The following CADM2 variants were observed in gnomAD, a reference collection of about 807,000 sequenced individuals.
CADM2 encodes the protein cell adhesion molecule 2.
Under a neutral mutation model 49.8 loss-of-function variants are expected in CADM2, and 12 were observed. The observed-to-expected ratio is 0.24, with a 90% CI of 0.15 to 0.39. The LOEUF is 0.39. Among genes scored for constraint, CADM2 ranks in the 10% least tolerant of loss-of-function variants. The pLI is 1.00. For synonymous variants in CADM2, 214 were observed against 175.4 expected (o/e 1.22, Z -1.74); for missense variants, 378 against 492.3 (o/e 0.77, Z 2.20).
At chr3:85,467,049 T>C (rs1307214102) in intron 1 of CADM2, among the ~76,000 whole-genome samples, 1 of 152,180 alleles carries the variant, frequency 6.6e-6, no homozygotes, top group African/African-American at 2.4e-5. Flanking sequence ...GGGGTTAAAA[T>C]TCCTCTTAGA....
intron 1 of CADM2, among the ~76,000 whole-genome samples, chr3:85,068,781 A>ATT (rs5850664): frequency 5.7e-4 from 85 of 149,184 alleles, no homozygotes; most frequent in African/African-American, 2.0e-3. Context: ...TATTTATTTA[A>ATT]TTTTTTTTTT....
At chr3:85,220,540 G>A (rs902580754) in intron 1 of CADM2, among the ~76,000 whole-genome samples, 3 of 152,048 alleles carry the variant, frequency 2.0e-5, no homozygotes, top group East Asian at 1.9e-4. Context: ...AACATCTAGG[G>A]CTTATGTTTG....
chr3:85,572,141 A>G (rs887128436), intron 1 of CADM2, among the ~76,000 whole-genome samples: 2 of 152,106 alleles, frequency 1.3e-5, no homozygotes, highest in Non-Finnish European at 2.9e-5. Flanking sequence ...TACTAAAAAT[A>G]TAAAAATTAG....
chr3:85,028,936 T>A (rs2034853527), intron 1 of CADM2, among the ~76,000 whole-genome samples: 1 of 151,702 alleles, frequency 6.6e-6, no homozygotes, highest in Non-Finnish European at 1.5e-5. Context: ...TTTATTCACA[T>A]ACTGTTTTAC....
intron 1 of CADM2, among the ~76,000 whole-genome samples, chr3:85,460,109 A>G (rs938615296): frequency 6.6e-6 from 1 of 152,100 alleles, no homozygotes; most frequent in African/African-American, 2.4e-5. Context: ...ACTGTACAAA[A>G]CGAGCTTGTA....
At chr3:85,898,752 A>T (rs1715626810) in intron 5 of CADM2, among the ~76,000 whole-genome samples, 2 of 151,392 alleles carry the variant, frequency 1.3e-5, no homozygotes, top group African/African-American at 4.9e-5. Context: ...TGCAGATATT[A>T]TAGTAAAGCT....
chr3:85,577,412 C>T (rs535406923), intron 1 of CADM2, among the ~76,000 whole-genome samples: 1 of 152,236 alleles, frequency 6.6e-6, no homozygotes, highest in South Asian at 2.1e-4. Context: ...GTTAGGCCCT[C>T]TCCTGCCCCG....
At chr3:85,944,636 C>T (rs1413129199) in intron 7 of CADM2, among the ~76,000 whole-genome samples, 1 of 152,056 alleles carries the variant, frequency 6.6e-6, no homozygotes, top group African/African-American at 2.4e-5. Flanking sequence ...AACTGCTCAA[C>T]TACATGGAAA....
At chr3:85,319,979 A>T (rs1186803865) in intron 1 of CADM2, among the ~76,000 whole-genome samples, 1 of 152,210 alleles carries the variant, frequency 6.6e-6, no homozygotes, top group Non-Finnish European at 1.5e-5. Flanking sequence ...AGGTATCATT[A>T]AAATCCCTCC....
intron 1 of CADM2, among the ~76,000 whole-genome samples, chr3:85,662,652 G>T (rs538083332): frequency 1.1e-4 from 17 of 152,090 alleles, no homozygotes; most frequent in African/African-American, 3.1e-4. Context: ...TTTGCCTGAG[G>T]ACTTTGCATT....
intron 1 of CADM2, among the ~76,000 whole-genome samples, chr3:85,136,709 GAAA>G (rs1362619336): frequency 1.3e-5 from 2 of 151,830 alleles, no homozygotes; most frequent in Non-Finnish European, 2.9e-5. Flanking sequence ...AGAACTTCAA[GAAA>G]ATAAGTCAAT....
intron 1 of CADM2, among the ~76,000 whole-genome samples, chr3:85,034,426 A>T (rs1320220255): frequency 6.6e-6 from 1 of 152,094 alleles, no homozygotes; most frequent in Admixed American, 6.5e-5. Context: ...AAGTGACAGG[A>T]TCTCATTCTT....
At chr3:86,044,269 C>G (rs568019248) in intron 8 of CADM2, among the ~76,000 whole-genome samples, 1 of 152,186 alleles carries the variant, frequency 6.6e-6, no homozygotes, top group African/African-American at 2.4e-5. Context: ...TCAGAGTGAA[C>G]AGGCAACCCA....
chr3:84,996,422 G>A (rs965105639), intron 1 of CADM2, among the ~76,000 whole-genome samples: 1 of 151,988 alleles, frequency 6.6e-6, no homozygotes, highest in Admixed American at 6.6e-5. Flanking sequence ...TTATTATGGT[G>A]TATACTCTAT....
chr3:85,641,005 C>T (rs1263036424), intron 1 of CADM2, among the ~76,000 whole-genome samples: 1 of 152,084 alleles, frequency 6.6e-6, no homozygotes, highest in African/African-American at 2.4e-5. Context: ...AGAGTCAACC[C>T]AAATAATTAA....
chr3:85,544,968 C>T (rs1446554602), intron 1 of CADM2, among the ~76,000 whole-genome samples: 1 of 152,098 alleles, frequency 6.6e-6, no homozygotes, highest in Admixed American at 6.6e-5. Context: ...TTTGCTGTTT[C>T]TTAGGTCATC....
chr3:85,216,306 ATATT>A (rs1296187765), intron 1 of CADM2, among the ~76,000 whole-genome samples: 3 of 146,930 alleles, frequency 2.0e-5, no homozygotes, highest in African/African-American at 7.4e-5. Context: ...ATATTTATAT[ATATT>A]TAACATATTA....
At chr3:85,127,402 A>T (rs2039072490) in intron 1 of CADM2, among the ~76,000 whole-genome samples, 1 of 152,184 alleles carries the variant, frequency 6.6e-6, no homozygotes, top group South Asian at 2.1e-4. Flanking sequence ...AGGACAATGG[A>T]GTTCTTGAAA....
rs11459054 is a variant in CADM2 at position 85,328,900 on chromosome 3, C to CAAA, written c.61+369247_61+369249dup. ...TTATAGGTTAAATCATGTCTTCCCT[C>CAAA]AAAAAAAAAAAAAAAAAGTTATGTT... On this transcript the variant is annotated intron_variant, in intron 1 of 9. Coordinates refer to ENST00000383699, the MANE Select transcript of CADM2 (RefSeq NM_001167675.2). 4.8e-3 allele frequency among the ~76,000 whole-genome samples: 658 copies of CAAA among 137,258 alleles called. 5 individuals carry two copies. Among genetic ancestry groups the CAAA allele is most frequent in the African/African-American group, 0.016 (610 of 37,768 alleles). The allele number at this position is 137,258 out of a possible 152,430, so 90.0% of individuals were successfully genotyped here.
Sources: allele counts gnomAD v4.1 joint callset (sites outside exome capture counted in the v4.1 genomes callset), GRCh38; gene constraint gnomAD v4.1.1; transcripts MANE v1.5; gene names NCBI Gene and HGNC (gene_info 2026-07-23, HGNC 2026-07-21).